The following CA10 variants were observed in gnomAD, a reference collection of about 807,000 sequenced individuals.
CA10 encodes carbonic anhydrase-related protein 10.
CA10 carries 14 observed loss-of-function variants against 44.2 expected under a neutral mutation model. The ratio of observed to expected loss-of-function variants is 0.32; its 90% CI spans 0.21 to 0.50. The LOEUF (loss-of-function observed/expected upper bound fraction) is 0.50. Among genes scored for constraint, CA10 ranks in the 20% least tolerant of loss-of-function variants. The pLI, the probability that CA10 is intolerant of heterozygous loss-of-function variation, is 0.99. For synonymous variants in CA10, 159 were observed against 141.6 expected (o/e 1.12, Z -0.87); for missense variants, 350 against 409.7 (o/e 0.85, Z 1.26).
chr17:52,147,852 C>T lies in CA10; in HGVS notation c.61+9874G>A, dbSNP rs150781087. Among the ~76,000 whole-genome samples the T allele has an allele frequency of 5.1e-3, 769 of 152,220 alleles. 6 individuals are homozygous for T. The highest frequency in any genetic ancestry group is 0.033 in the South Asian group (158 of 4,812). On this transcript the variant is annotated intron_variant, in intron 1 of 8. Coordinates refer to ENST00000451037, the MANE Select transcript of CA10 (RefSeq NM_020178.5). ...CCACTGAGAAATTAACAATAGGGCC[C>T]CTTTTTTTTCTATAACCCCTTTTTA...
At chr17:52,052,143 G>C (rs1363159373) in intron 2 of CA10, among the ~76,000 whole-genome samples, 1 of 151,914 alleles carries the variant, frequency 6.6e-6, no homozygotes, top group East Asian at 1.9e-4. Flanking sequence ...TGGAGGGTGG[G>C]GGAAGGGAGG....
chr17:51,734,694 T>G (rs2143571014), intron 4 of CA10, among the ~76,000 whole-genome samples: 1 of 152,298 alleles, frequency 6.6e-6, no homozygotes, highest in South Asian at 2.1e-4. Context: ...GGCGATTCCT[T>G]GCAGGACCTC....
intron 3 of CA10, among the ~76,000 whole-genome samples, chr17:51,751,879 T>C (rs1197507999): frequency 6.6e-6 from 1 of 152,168 alleles, no homozygotes; most frequent in African/African-American, 2.4e-5. Flanking sequence ...TTCATTCGCT[T>C]GGCCATTTAC....
intron 2 of CA10, among the ~76,000 whole-genome samples, chr17:51,959,154 C>T (rs1348596032): frequency 6.6e-6 from 1 of 151,804 alleles, no homozygotes; most frequent in Non-Finnish European, 1.5e-5. Context: ...AGTCACAAAG[C>T]CTTAGACTAG....
intron 2 of CA10, among the ~76,000 whole-genome samples, chr17:51,935,314 C>A (rs1290977238): frequency 6.6e-6 from 1 of 152,028 alleles, no homozygotes; most frequent in Non-Finnish European, 1.5e-5. Flanking sequence ...TTAAAGCATC[C>A]ATTATTATGG....
At chr17:51,803,092 T>C (rs1906999008) in intron 3 of CA10, among the ~76,000 whole-genome samples, 1 of 152,132 alleles carries the variant, frequency 6.6e-6, no homozygotes, top group African/African-American at 2.4e-5. Flanking sequence ...ACCAGTTTCT[T>C]CCTTATTTTC....
chr17:51,802,585 A>C (rs982343958), intron 3 of CA10, among the ~76,000 whole-genome samples: 19 of 151,374 alleles, frequency 1.3e-4, no homozygotes, highest in African/African-American at 3.6e-4. Context: ...AAAAAAAAAA[A>C]AAACAACCAG....
chr17:52,121,508 C>T (rs1235497933), intron 1 of CA10, among the ~76,000 whole-genome samples: 1 of 152,080 alleles, frequency 6.6e-6, no homozygotes, highest in African/African-American at 2.4e-5. Flanking sequence ...AATCATTCTA[C>T]AATGCTTAGG....
chr17:52,102,682 CTT>C (rs1335536884), intron 1 of CA10, among the ~76,000 whole-genome samples: 1 of 152,226 alleles, frequency 6.6e-6, no homozygotes, highest in Non-Finnish European at 1.5e-5. Flanking sequence ...TCTTGGGCTT[CTT>C]CAGTGGAACC....
chr17:51,941,923 T>C (rs1983091541), intron 2 of CA10, among the ~76,000 whole-genome samples: 1 of 151,378 alleles, frequency 6.6e-6, no homozygotes, highest in African/African-American at 2.5e-5. Flanking sequence ...TCACTGTCCC[T>C]CTATCCCTTT....
chr17:51,931,217 GTAA>G, intron 2 of CA10, 85 bp from the exon 3 acceptor site: 1 of 1,352,788 alleles, frequency 7.4e-7, no homozygotes, highest in Non-Finnish European at 1.0e-6. Context: ...TACAAACGTG[GTAA>G]AATGGAAGAG....
At chr17:51,893,756 G>T (rs1980957386) in intron 3 of CA10, among the ~76,000 whole-genome samples, 1 of 152,120 alleles carries the variant, frequency 6.6e-6, no homozygotes, top group African/African-American at 2.4e-5. Context: ...AGATATGCTT[G>T]CCAAACAAGC....
At chr17:51,936,352 C>T (rs67397810) in intron 2 of CA10, among the ~76,000 whole-genome samples, 27,362 of 151,936 alleles carry the variant, frequency 0.18, 3,300 homozygotes, top group East Asian at 0.49. Flanking sequence ...AGAGACAAGA[C>T]GGTAATGGAT....
At chr17:52,019,339 C>T (rs1056873147) in intron 2 of CA10, among the ~76,000 whole-genome samples, 4 of 151,972 alleles carry the variant, frequency 2.6e-5, no homozygotes, top group African/African-American at 9.7e-5. Flanking sequence ...TATAGTGTAG[C>T]CATTTACATT....
chr17:52,124,210 C>T (rs1410381083), intron 1 of CA10, among the ~76,000 whole-genome samples: 1 of 152,250 alleles, frequency 6.6e-6, no homozygotes, highest in Non-Finnish European at 1.5e-5. Context: ...CCATTTCCCA[C>T]CTACAGAATT....
intron 2 of CA10, among the ~76,000 whole-genome samples, chr17:51,940,389 C>A (rs963172820): frequency 6.6e-6 from 1 of 152,060 alleles, no homozygotes; most frequent in Non-Finnish European, 1.5e-5. Flanking sequence ...CCAAGCTCCA[C>A]GGAAATCTGG....
At position 51,635,950 on chromosome 17, in the gene CA10, A is replaced by C; in HGVS notation, c.694T>G (p.Phe232Val). The C allele has an allele frequency of 6.2e-7, 1 of 1,609,338 alleles. No individual in the cohort carries two copies. ...GTCATCGACCCATCGTAAGTGATGA[A>C]ACTAGAGGTCTCTGGATATAGTTCC... is the stretch of plus-strand genomic sequence containing the variant. ...IEELYPETSS[F>V]ITYDGSMTIP... The change falls in exon 7 of 9, where the codon TTC becomes GTC. Residue 232 changes from phenylalanine (F) to valine (V), a missense_variant. Physicochemically the swap from Phe to Val is conservative, Grantham distance 50. Transcript: ENST00000451037.
chr17:51,886,146 C>A (rs1980588919), intron 3 of CA10, among the ~76,000 whole-genome samples: 1 of 152,214 alleles, frequency 6.6e-6, no homozygotes, highest in Non-Finnish European at 1.5e-5. Flanking sequence ...AATCCTCCCA[C>A]AGCCACCTGC....
chr17:52,106,398 G>C (rs1002044922), intron 1 of CA10, among the ~76,000 whole-genome samples: 3 of 152,202 alleles, frequency 2.0e-5, no homozygotes, highest in African/African-American at 7.2e-5. Context: ...AAATTGAATA[G>C]GGAGGAAAAG....
Sources: gnomAD v4.1 joint callset for allele counts (sites outside exome capture counted in the v4.1 genomes callset) on GRCh38, gnomAD v4.1.1 for gene constraint, MANE v1.5 for transcripts, NCBI Gene and HGNC (gene_info 2026-07-23, HGNC 2026-07-21) for gene names.